Variants in PRB2 observed in about 807,000 individuals in gnomAD.
PRB2 encodes the protein proline rich protein BstNI subfamily 2.
Under a neutral mutation model 8.3 loss-of-function variants are expected in PRB2, and 12 were observed. That is an observed-to-expected ratio of 1.45 (90% confidence interval 0.93 to 2.35). PRB2 has a LOEUF of 2.35. PRB2 is among the 30% of genes most tolerant of loss of function. The probability of loss-of-function intolerance (pLI) is 0.00; values close to 1 mark genes in which losing one functional copy is unlikely to be tolerated. For missense variants in PRB2, 470 were observed against 507.0 expected (o/e 0.93, Z 0.70); for synonymous variants, 146 against 180.0 (o/e 0.81, Z 1.51).
chr12:11,394,592 T>C, intron 1 of PRB2, 62 bp from the exon 2 acceptor site: 7 of 1,587,266 alleles, frequency 4.4e-6, no homozygotes, highest in Non-Finnish European at 5.2e-6. Context: ...GACTCACAAG[T>C]GTTCTACAGG....
rs1458917298 is a variant in PRB2 at position 11,393,679 on chromosome 12, T to C, written c.399A>G (p.Pro133=). ...GTCCTTGTGGCTTTCCTGGAGGAGG[T>C]GGAGGACCTTGAGGCTGGTTGCCTC... ...PQGGNQPQGP[P]PPPGKPQGPP... Residue 133 remains proline (P), a synonymous_variant, in exon 3 of 4, where the codon CCA becomes CCG. Transcript: ENST00000389362. 6.5e-7 allele frequency: 1 copy of C among 1,538,562 alleles called. No homozygotes were observed. Among genetic ancestry groups the C allele is most frequent in the Non-Finnish European group, 8.7e-7 (1 of 1,143,356 alleles).
At chr12:11,394,969 A>G (rs540292943) in intron 1 of PRB2, among the ~76,000 whole-genome samples, 8 of 152,178 alleles carry the variant, frequency 5.3e-5, no homozygotes, top group Admixed American at 4.6e-4. Context: ...CGTGTAAGGG[A>G]GAGAAAAATG....
intron 1 of PRB2, among the ~76,000 whole-genome samples, chr12:11,394,945 A>C (rs1368541707): frequency 2.6e-5 from 4 of 152,230 alleles, no homozygotes; most frequent in Middle Eastern, 3.4e-3. Context: ...CACTCCCAGC[A>C]CATTGAAATA....
Position 11,393,431 on chromosome 12 carries a change from G to T in PRB2, c.647C>A (p.Pro216Gln). 6.5e-7 allele frequency: 1 copy of T among 1,526,782 alleles called. No homozygotes were observed. Among genetic ancestry groups the T allele is most frequent in the Non-Finnish European group, 8.7e-7 (1 of 1,147,484 alleles). 94.6% of individuals were successfully genotyped at this position (1,526,782 alleles called of 1,614,324 possible). The change falls in exon 3 of 4, where the codon CCA (proline) becomes CAA (glutamine). Residue 216 changes from proline to glutamine, a missense_variant. Pro to Gln is a moderately conservative substitution (Grantham distance 76). This residue lies in a region of PRB2 where 37 missense variants were observed against 66.0 expected (regional missense o/e 0.56). Transcript: ENST00000389362. Reference protein sequence around the residue: ...PQGGNKPQGPPPPGKPQGPPP... With the variant: ...PQGGNKPQGPQPPGKPQGPPP... ...TGGTCCTTGTGGCTTTCCTGGAGGTGGGGGACCTTGAGGTTTGTTGCCTCC... is the reference window on the plus strand; with the variant it reads ...TGGTCCTTGTGGCTTTCCTGGAGGTTGGGGACCTTGAGGTTTGTTGCCTCC...
chr12:11,395,338 C>A (rs1224558842), intron 1 of PRB2, 128 bp downstream of exon 1: 1 of 1,154,026 alleles, frequency 8.7e-7, no homozygotes, highest in African/African-American at 1.5e-5. Context: ...CAACAAGTCT[C>A]CTGATCCTAG....
intron 2 of PRB2, 59 bp from the exon 3 acceptor site, chr12:11,394,036 T>C: frequency 4.4e-6 from 7 of 1,605,026 alleles, no homozygotes; most frequent in Non-Finnish European, 6.0e-6. Context: ...ATTCCCTGAA[T>C]AGTTGCAGTA....
In PRB2 at chr12:11,395,525, A is replaced by G. The variant is rs765858243; in HGVS notation, c.5T>C (p.Leu2Pro). The change falls in exon 1 of 4, where the codon CTG (leucine) becomes CCG (proline). Residue 2 changes from leucine (L) to proline (P), a missense_variant. Leu to Pro is a moderately conservative substitution (Grantham distance 98). Transcript: ENST00000389362. M[L>P]LILLSVALLA... ...CAAGGCCACTGACAGCAGAATCAACAGCATCTTGCAGGAGGCTCTGGAGTC... is the reference window on the plus strand; with the variant it reads ...CAAGGCCACTGACAGCAGAATCAACGGCATCTTGCAGGAGGCTCTGGAGTC... 6 of 1,612,838 alleles carry G rather than the reference A, an allele frequency of 3.7e-6. No homozygotes were observed. Among genetic ancestry groups the G allele is most frequent in the Non-Finnish European group, 8.5e-7 (1 of 1,179,420 alleles).
At chr12:11,394,364 C>T (rs1864374770) in intron 2 of PRB2, 131 bp downstream of exon 2, 3 of 1,165,806 alleles carry the variant, frequency 2.6e-6, no homozygotes, top group Non-Finnish European at 3.8e-6. Flanking sequence ...TGAAGAGTGC[C>T]TATATTATTA....
In PRB2 at chr12:11,393,749, C is replaced by A. The variant is rs776671502; in HGVS notation, c.329G>T (p.Ser110Ile). ...GPPPQGDKSR[S>I]PRSPPGKPQG... ...TGGCTTTCCTGGAGGAGATCGGGGA[C>A]TTCGGGACTTGTCTCCTTGTGGGGG... The change falls in exon 3 of 4, where the codon AGT (serine) becomes ATT (isoleucine). Residue 110 changes from serine to isoleucine, a missense_variant. Around this residue, in one of 4 missense-constraint regions of PRB2, gnomAD observed 211 missense variants for 207.7 expected, o/e 1.02. Transcript: ENST00000389362. 1 of 1,591,756 alleles carries A rather than the reference C, an allele frequency of 6.3e-7. No homozygotes were observed. The highest frequency in any genetic ancestry group is 1.7e-5 in the Admixed American group (1 of 57,804).
rs1443162345 is a variant in PRB2 at position 11,394,557 on chromosome 12, AAC to A, written c.65-29_65-28del. 3.1e-6 allele frequency: 5 copies of A among 1,611,854 alleles called. No individual in the cohort carries two copies. In the East Asian group the frequency reaches 1.1e-4, roughly 36 times the overall value. ...TAGAAGAGAAGCACAGGATGATGGG[AAC>A]AGTTACATCTTGAACCTTACAAGAC... is the stretch of plus-strand genomic sequence containing the variant. On this transcript the variant is annotated intron_variant, in intron 1 of 3. Transcript: ENST00000389362.
rs1032972142 is a variant in PRB2 at position 11,391,649 on chromosome 12, C to G, written c.*34-1G>C. On this transcript the variant is annotated splice_acceptor_variant, in intron 3 of 3. Coordinates refer to ENST00000389362, the MANE Select transcript of PRB2 (RefSeq NM_006248.4). LOFTEE classifies it low-confidence loss of function (3UTR_SPLICE). ...TCACTCTCATCTTCTTATTCACTTC[C>G]TGAAACAAACAAACAAGGAAGTTCA... The G allele has an allele frequency of 1.4e-5, 6 of 433,764 alleles. No homozygotes were observed. The highest frequency in any genetic ancestry group is 2.3e-5 in the Non-Finnish European group (5 of 218,280). 26.9% of individuals were successfully genotyped at this position (433,764 alleles called of 1,614,324 possible).
rs199675372 is a variant in PRB2, at chr12:11,393,534, C to T, written c.544G>A (p.Gly182Arg). Residue 182 changes from glycine to arginine, a missense_variant, in exon 3 of 4, where the codon GGA becomes AGA. Around this residue, in one of 4 missense-constraint regions of PRB2, gnomAD observed 37 missense variants for 66.0 expected, o/e 0.56. Transcript: ENST00000389362. Reference sequence around the variant, plus strand: ...TGGTTGCCTCCTTGTGGGGGTGGTCCTTGTGGCTTTCCTGGAGGAGATCGA... The same window carrying T: ...TGGTTGCCTCCTTGTGGGGGTGGTCTTTGTGGCTTTCCTGGAGGAGATCGA... Reference protein sequence around the residue: ...SSRSPPGKPQGPPPQGGNQPQ... With the variant: ...SSRSPPGKPQRPPPQGGNQPQ... The T allele has an allele frequency of 3.0e-5, 47 of 1,576,238 alleles. No individual in the cohort carries two copies. The African/African-American group carries it at 3.2e-4, about 11-fold the overall frequency.
rs1486428429 is a variant in PRB2 at position 11,394,435 on chromosome 12, T to C, written c.100+60A>G. 9 of 1,564,798 alleles carry C rather than the reference T, an allele frequency of 5.8e-6. 1 individual carries two copies. In the South Asian group the frequency reaches 7.8e-5, roughly 14 times the overall value. ...TTTTGATAAGAAGACACTGGAGAAC[T>C]GATCCATTCATAAGCAGAAAAAGAC... is the stretch of plus-strand genomic sequence containing the variant. On this transcript the variant is annotated intron_variant, in intron 2 of 3. Coordinates refer to ENST00000389362, the MANE Select transcript of PRB2 (RefSeq NM_006248.4).
chr12:11,395,441 A>C (rs544316023), intron 1 of PRB2, 25 bp downstream of exon 1: 1 of 1,613,568 alleles, frequency 6.2e-7, no homozygotes, highest in African/African-American at 1.3e-5. Context: ...CAGAGTCACC[A>C]CATCTTCTCC....
chr12:11,394,494 C>A lies in PRB2; in HGVS notation c.100+1G>T, dbSNP rs199532910. On this transcript the variant is annotated splice_donor_variant, in intron 2 of 3. Coordinates refer to ENST00000389362, the MANE Select transcript of PRB2 (RefSeq NM_006248.4). LOFTEE classifies it high-confidence loss of function. ...CAGATTGAGAATGAATCGGGATTTA[C>A]CTGCTATTAGGGAGGGAGATTCTTC... is the stretch of plus-strand genomic sequence containing the variant. 40 of 1,613,022 alleles carry A rather than the reference C, an allele frequency of 2.5e-5. No homozygotes were observed. The highest frequency in any genetic ancestry group is 3.3e-4 in the Middle Eastern group (2 of 6,082).
Position 11,393,651 on chromosome 12 carries a change from G to A in PRB2, c.427C>T (p.Pro143Ser). The A allele has an allele frequency of 6.4e-7, 1 of 1,560,900 alleles. No homozygotes were observed. The highest frequency in any genetic ancestry group is 8.7e-7 in the Non-Finnish European group (1 of 1,154,754). The change falls in exon 3 of 4, where the codon CCC (proline) becomes TCC (serine). Residue 143 changes from proline to serine, a missense_variant. Transcript: ENST00000389362. ...TGAGGTTTGTTGCCTCCTTGTGGGG[G>A]TGGTCCTTGTGGCTTTCCTGGAGGA... ...PPPPGKPQGPPPQGGNKPQGP... is the reference protein window; with the variant it reads ...PPPPGKPQGPSPQGGNKPQGP...
Position 11,394,482 on chromosome 12 carries a change from A to G in PRB2, c.100+13T>C. On this transcript the variant is annotated intron_variant, in intron 2 of 3. Coordinates refer to ENST00000389362, the MANE Select transcript of PRB2 (RefSeq NM_006248.4). ...AGACAGTCAGAACAGATTGAGAATG[A>G]ATCGGGATTTACCTGCTATTAGGGA... 1 of 1,612,224 alleles carries G rather than the reference A, an allele frequency of 6.2e-7. No homozygotes were observed. The highest frequency in any genetic ancestry group is 8.5e-7 in the Non-Finnish European group (1 of 1,178,188).
Position 11,393,143 on chromosome 12 carries a change from C to A in PRB2, c.935G>T (p.Gly312Val), listed in dbSNP as rs758579768. The change falls in exon 3 of 4, where the codon GGC becomes GTC. Residue 312 changes from glycine (G) to valine (V), a missense_variant. Physicochemically the swap from Gly to Val is moderately radical, Grantham distance 109. This residue lies in a region of PRB2 where 205 missense variants were observed against 195.0 expected (regional missense o/e 1.05). Transcript: ENST00000389362. ...AGGTGGGGGACCTTGAGGCTGGTTGCCTCCTTGTGGGGGTGGTCCTTGTGG... is the reference window on the plus strand; with the variant it reads ...AGGTGGGGGACCTTGAGGCTGGTTGACTCCTTGTGGGGGTGGTCCTTGTGG... Reference protein sequence around the residue: ...GKPQGPPPQGGNQPQGPPPPP... With the variant: ...GKPQGPPPQGVNQPQGPPPPP... 2 of 1,593,152 alleles carry A rather than the reference C, an allele frequency of 1.3e-6. No individual in the cohort carries two copies. Among genetic ancestry groups the A allele is most frequent in the Admixed American group, 1.7e-5 (1 of 57,872 alleles).
rs1318058839 is a variant in PRB2, at chr12:11,395,536, G to A, written c.-7C>T. 1 of 1,611,888 alleles carries A rather than the reference G, an allele frequency of 6.2e-7. No individual in the cohort carries two copies. The highest frequency in any genetic ancestry group is 8.5e-7 in the Non-Finnish European group (1 of 1,178,818). ...ACAGCAGAATCAACAGCATCTTGCA[G>A]GAGGCTCTGGAGTCACTCCCAACTC... On this transcript the variant is annotated 5_prime_UTR_variant, in exon 1 of 4. Coordinates refer to ENST00000389362, the MANE Select transcript of PRB2 (RefSeq NM_006248.4).
Sources: allele counts gnomAD v4.1 joint callset (sites outside exome capture counted in the v4.1 genomes callset), GRCh38; gene constraint gnomAD v4.1.1; regional missense constraint gnomAD v4.1.1; transcripts MANE v1.5; gene names NCBI Gene and HGNC (gene_info 2026-07-23, HGNC 2026-07-21).